The following LGALS9B variants were observed in gnomAD, a reference collection of about 807,000 sequenced individuals.
LGALS9B encodes the protein galectin-9B.
In LGALS9B, 8 loss-of-function variants were observed where a neutral mutation model predicts 35.9. That is an observed-to-expected ratio of 0.22 (90% CI 0.13 to 0.40). The LOEUF (loss-of-function observed/expected upper bound fraction) is 0.40, where lower values mean the gene tolerates loss of function less well. Among genes scored for constraint, LGALS9B ranks in the 10% least tolerant of loss-of-function variants. LGALS9B has a pLI of 1.00. For missense variants in LGALS9B, 101 were observed against 397.9 expected, an observed-to-expected ratio of 0.25 and a Z score of 6.35; for synonymous variants, 42 against 148.6, an observed-to-expected ratio of 0.28 and a Z score of 5.22.
At chr17:20,462,843 AG>A (rs2042736873) in intron 1 of LGALS9B, among the ~76,000 whole-genome samples, 1 of 151,462 alleles carries the variant, frequency 6.6e-6, no homozygotes, top group Non-Finnish European at 1.5e-5. Flanking sequence ...TGTTTGTGGC[AG>A]CCTGTGATTC....
intron 1 of LGALS9B, among the ~76,000 whole-genome samples, chr17:20,466,456 C>T (rs921159660): frequency 1.9e-4 from 28 of 146,900 alleles, no homozygotes; most frequent in Non-Finnish European, 3.6e-4. Context: ...CCCACCCTCC[C>T]CATTCTGTCT....
At chr17:20,460,566 AC>A in intron 1 of LGALS9B, 123 bp from the exon 2 acceptor site, 2 of 1,047,190 alleles carry the variant, frequency 1.9e-6, no homozygotes, top group Non-Finnish European at 2.8e-6. Flanking sequence ...TGCAGCTGTG[AC>A]CAGGACAGAA....
intron 1 of LGALS9B, among the ~76,000 whole-genome samples, chr17:20,464,099 T>G (rs867243903): frequency 0.012 from 1,472 of 118,520 alleles, 2 homozygotes; most frequent in African/African-American, 0.049. Context: ...TTGTGTTTTT[T>G]TTTTTTTTTT....
chr17:20,461,861 T>C (rs755912902), intron 1 of LGALS9B, among the ~76,000 whole-genome samples: 209 of 48,586 alleles, frequency 4.3e-3, no homozygotes, highest in Non-Finnish European at 7.4e-3. Flanking sequence ...AAAAGGATTA[T>C]GTAAAAGTTC....
rs377362850 is a variant in LGALS9B, at chr17:20,456,631, C to T, written c.374G>A (p.Arg125His). Residue 125 changes from arginine (R) to histidine (H), a missense_variant, in exon 4 of 11, where the codon CGC becomes CAC. Coordinates refer to ENST00000423676, the MANE Select transcript of LGALS9B (RefSeq NM_001367292.2). ...NGSLFVQYFH[R>H]VPFHRVDTIS... ...GGTGTCCACACGGTGGAAGGGCACG[C>T]GGTGGAAGTACTGCACGAAGAGGCT... is the stretch of plus-strand genomic sequence containing the variant. 123 of 669,274 alleles carry T rather than the reference C, an allele frequency of 1.8e-4. 27 individuals are homozygous for T. In the East Asian group the frequency reaches 2.1e-3, roughly 11 times the overall value. 41.5% of individuals were successfully genotyped at this position (669,274 alleles called of 1,614,324 possible). A position where few individuals can be genotyped will look rare whatever the true frequency, so the allele number is the denominator to read the frequency against.
At chr17:20,461,250 G>A (rs550811993) in intron 1 of LGALS9B, among the ~76,000 whole-genome samples, 8 of 151,002 alleles carry the variant, frequency 5.3e-5, no homozygotes, top group African/African-American at 1.7e-4. Flanking sequence ...GAGTGGCCTT[G>A]GGAAGCCTAT....
rs200074196 is a variant in LGALS9B, at chr17:20,455,361, G to A, written c.482C>T (p.Thr161Met). Residue 161 changes from threonine to methionine, a missense_variant, in exon 5 of 11, where the codon ACG becomes ATG. Physicochemically the swap from Thr to Met is moderately conservative, Grantham distance 81. Transcript: ENST00000423676. ...RTVPVQPAFS[T>M]VPFSQPVCFP... is the part of the protein sequence containing the mutation. ...ACAGACAGGCTGGGAGAACGGCACC[G>A]TGGAGAAGGCAGGCTGAACGGGGAC... 7.1e-4 allele frequency: 965 copies of A among 1,356,026 alleles called. 95 individuals are homozygous for A. In the African/African-American group the frequency reaches 0.011, roughly 15 times the overall value. The allele number at this position is 1,356,026 out of a possible 1,614,324, so 84.0% of individuals were successfully genotyped here.
rs1247383198 is a variant in LGALS9B at position 20,451,595 on chromosome 17, G to T, written c.810C>A (p.Asn270Lys). Residue 270 changes from asparagine to lysine, a missense_variant, in exon 10 of 11, where the codon AAC becomes AAA. Coordinates refer to ENST00000423676, the MANE Select transcript of LGALS9B (RefSeq NM_001367292.2). ...CSGSHIAFHM[N>K]PRFDENAVVR... ...CCACAGCATTCTCATCAAAACGGGG[G>T]TTCATGTGGAAGGCGATGTGGCTCC... The T allele has an allele frequency of 6.3e-7, 1 of 1,597,308 alleles. No homozygotes were observed. Among genetic ancestry groups the T allele is most frequent in the African/African-American group, 1.4e-5 (1 of 71,478 alleles).
intron 1 of LGALS9B, among the ~76,000 whole-genome samples, chr17:20,460,772 C>CA (rs1257143785): frequency 9.5e-6 from 1 of 105,286 alleles, no homozygotes; most frequent in Non-Finnish European, 2.1e-5. Flanking sequence ...GCCTTCCTTC[C>CA]AGGCAGGGAA....
At chr17:20,464,099 T>TG (rs981907782) in intron 1 of LGALS9B, among the ~76,000 whole-genome samples, 33 of 118,550 alleles carry the variant, frequency 2.8e-4, no homozygotes, top group African/African-American at 9.3e-4. Context: ...TTGTGTTTTT[T>TG]TTTTTTTTTT....
intron 1 of LGALS9B, among the ~76,000 whole-genome samples, chr17:20,464,829 G>T (rs1055067548): frequency 2.0e-5 from 3 of 152,082 alleles, no homozygotes; most frequent in African/African-American, 7.2e-5. Flanking sequence ...AACACCACCC[G>T]ACAGTGTTCT....
intron 1 of LGALS9B, among the ~76,000 whole-genome samples, chr17:20,466,388 C>G (rs1319739582): frequency 6.6e-6 from 1 of 151,768 alleles, no homozygotes; most frequent in Non-Finnish European, 1.5e-5. Flanking sequence ...CAAGCCCGAC[C>G]CTGGCCTCTG....
At chr17:20,461,251 G>C (rs569410726) in intron 1 of LGALS9B, among the ~76,000 whole-genome samples, 7 of 150,842 alleles carry the variant, frequency 4.6e-5, no homozygotes, top group African/African-American at 1.2e-4. Context: ...AGTGGCCTTG[G>C]GAAGCCTATT....
chr17:20,457,483 C>G (rs1378685941), intron 3 of LGALS9B: 2 of 130,692 alleles, frequency 1.5e-5, no homozygotes, highest in African/African-American at 6.1e-5. Flanking sequence ...GTGTTCTCAT[C>G]GTTCAGCTCC....
intron 1 of LGALS9B, among the ~76,000 whole-genome samples, chr17:20,466,159 G>A (rs943915067): frequency 6.6e-6 from 1 of 151,936 alleles, no homozygotes; most frequent in African/African-American, 2.4e-5. Context: ...TCTAAGGCTC[G>A]CCCAACACCG....
chr17:20,451,217 A>G (rs933985664), intron 10 of LGALS9B, among the ~76,000 whole-genome samples: 7 of 149,030 alleles, frequency 4.7e-5, no homozygotes, highest in Non-Finnish European at 1.0e-4. Context: ...CTGATTTGAC[A>G]CTTACTGACT....
chr17:20,459,252 GGA>G (rs925421614), intron 2 of LGALS9B, among the ~76,000 whole-genome samples: 7 of 148,232 alleles, frequency 4.7e-5, no homozygotes, highest in Non-Finnish European at 8.9e-5. Context: ...CCCAAGGAAG[GGA>G]GAGACAGAAA....
chr17:20,461,347 A>T (rs2042728039), intron 1 of LGALS9B, among the ~76,000 whole-genome samples: 1 of 151,496 alleles, frequency 6.6e-6, no homozygotes, highest in African/African-American at 2.4e-5. Context: ...TGTGAGAAAA[A>T]GCCTGTGGTA....
At position 20,451,882 on chromosome 17, in the gene LGALS9B, G is replaced by A. The variant is rs567090889; in HGVS notation, c.674C>T (p.Pro225Leu). The change falls in exon 9 of 11, where the codon CCG becomes CTG. Residue 225 changes from proline (P) to leucine (L), a missense_variant and splice_region_variant. Physicochemically the swap from Pro to Leu is moderately conservative, Grantham distance 98. Transcript: ENST00000423676. ...CGGAATGGTGGTGATGAAAGGCATC[G>A]GCTGTCAGAAGGACGGGGACAGGTC... ...PPMMYPHPAY[P>L]MPFITTIPGG... 43 of 1,411,800 alleles carry A rather than the reference G, an allele frequency of 3.0e-5. 7 individuals carry two copies. Among genetic ancestry groups the A allele is most frequent in the African/African-American group, 1.1e-4 (8 of 72,604 alleles). The allele number at this position is 1,411,800 out of a possible 1,614,324, so 87.5% of individuals were successfully genotyped here. A position where few individuals can be genotyped will look rare whatever the true frequency, so the allele number is the denominator to read the frequency against.
Sources: allele counts gnomAD v4.1 joint callset (sites outside exome capture counted in the v4.1 genomes callset), GRCh38; gene constraint gnomAD v4.1.1; transcripts MANE v1.5; gene names NCBI Gene and HGNC (gene_info 2026-07-23, HGNC 2026-07-21).